Variants in AGFG2 observed in about 807,000 individuals in gnomAD.
AGFG2 encodes the protein ArfGAP with FG repeats 2, also known as arf-GAP domain and FG repeat-containing protein 2.
Under a neutral mutation model 48.0 loss-of-function variants are expected in AGFG2, and 31 were observed. The ratio of observed to expected loss-of-function variants is 0.65; its 90% confidence interval spans 0.49 to 0.87. AGFG2 has a LOEUF of 0.87. AGFG2 is among the 40% of genes least tolerant of loss of function. The pLI is 0.00. For synonymous variants in AGFG2, 229 were observed against 260.8 expected, an observed-to-expected ratio of 0.88 and a Z score of 1.18; for missense variants, 599 against 632.6, an observed-to-expected ratio of 0.95 and a Z score of 0.57.
rs1800743601 is a variant in AGFG2 at position 100,555,619 on chromosome 7, C to G, written c.761C>G (p.Pro254Arg). 1 of 1,613,558 alleles carries G rather than the reference C, an allele frequency of 6.2e-7. No homozygotes were observed. Among genetic ancestry groups the G allele is most frequent in the Non-Finnish European group, 8.5e-7 (1 of 1,179,754 alleles). The change falls in exon 6 of 12, where the codon CCT (proline) becomes CGT (arginine). Residue 254 changes from proline to arginine, a missense_variant. Coordinates refer to ENST00000300176, the MANE Select transcript of AGFG2 (RefSeq NM_006076.5). Reference protein sequence around the residue: ...AAFPAFGGQTPSQGGFANFDA... With the variant: ...AAFPAFGGQTRSQGGFANFDA... ...TTTCTTCCACCTACAGGCCAGACAC[C>G]TTCCCAAGGAGGCTTTGCCAACTTT...
At chr7:100,552,990 A>T (rs1490875697) in intron 3 of AGFG2, among the ~76,000 whole-genome samples, 1 of 152,068 alleles carries the variant, frequency 6.6e-6, no homozygotes. Context: ...CTCTACAAAT[A>T]ATTAAAAAAT....
chr7:100,555,677 G>A lies in AGFG2; in HGVS notation c.819G>A (p.Val273=). 1 of 1,614,106 alleles carries A rather than the reference G, an allele frequency of 6.2e-7. No homozygotes were observed. Among genetic ancestry groups the A allele is most frequent in the Non-Finnish European group, 8.5e-7 (1 of 1,179,990 alleles). Residue 273 remains valine (V), a synonymous_variant, in exon 6 of 12, where the codon GTG becomes GTA. Transcript: ENST00000300176. ...TTAGCAGTGGCCCCAGCTCTTCTGTGTTTGGAAGCCTCCCTCCAGCTGGTC... is the reference window on the plus strand; with the variant it reads ...TTAGCAGTGGCCCCAGCTCTTCTGTATTTGGAAGCCTCCCTCCAGCTGGTC... ...DAFSSGPSSS[V]FGSLPPAGQA...
chr7:100,549,278 C>T (rs1415352111), intron 2 of AGFG2, among the ~76,000 whole-genome samples: 2 of 152,168 alleles, frequency 1.3e-5, no homozygotes, highest in East Asian at 3.8e-4. Flanking sequence ...CCTCGACAAC[C>T]TGGATTTAAG....
intron 6 of AGFG2, among the ~76,000 whole-genome samples, chr7:100,557,450 T>G (rs953485213): frequency 1.2e-4 from 18 of 152,188 alleles, no homozygotes; most frequent in African/African-American, 3.4e-4. Context: ...TTTTGGTTTT[T>G]GTTGTTGTTT....
chr7:100,546,417 G>A (rs748858629), intron 1 of AGFG2, among the ~76,000 whole-genome samples: 1 of 152,072 alleles, frequency 6.6e-6, no homozygotes, highest in Non-Finnish European at 1.5e-5. Context: ...CCTTCCCCAT[G>A]ACTGTTTCTC....
chr7:100,564,703 C>T (rs1252341371), intron 11 of AGFG2, among the ~76,000 whole-genome samples: 1 of 152,020 alleles, frequency 6.6e-6, no homozygotes, highest in Non-Finnish European at 1.5e-5. Flanking sequence ...AGGGTTTTCC[C>T]GTGTTGGCCA....
In AGFG2 at chr7:100,548,845, G is replaced by C. The variant is rs772763307; in HGVS notation, c.245G>C (p.Arg82Pro). Residue 82 changes from arginine to proline, a missense_variant, in exon 2 of 12, where the codon CGT becomes CCT. By Grantham distance (103) the Arg-to-Pro change is moderately radical. Coordinates refer to ENST00000300176, the MANE Select transcript of AGFG2 (RefSeq NM_006076.5). ...GLLRGLNPPH[R>P]VKSISMTTFT... ...AGGAGAGGGCTGAACCCCCCTCATC[G>C]TGTCAAGTCAATCTCCATGACAACT... The C allele has an allele frequency of 6.2e-7, 1 of 1,613,170 alleles. No homozygotes were observed. The highest frequency in any genetic ancestry group is 8.5e-7 in the Non-Finnish European group (1 of 1,179,610).
Position 100,565,316 on chromosome 7 carries a change from C to T in AGFG2, c.*325C>T. ...CAGCTCTTCCCTGGGCCTAGCTCGC[C>T]AGCGCTGTGCTCCTCATGGACGGGA... On this transcript the variant is annotated 3_prime_UTR_variant, in exon 12 of 12. Transcript: ENST00000300176. 1 of 398,462 alleles carries T rather than the reference C, an allele frequency of 2.5e-6. No individual in the cohort carries two copies. The highest frequency in any genetic ancestry group is 4.7e-6 in the Non-Finnish European group (1 of 214,484). 24.7% of individuals were successfully genotyped at this position (398,462 alleles called of 1,614,324 possible). A position where few individuals can be genotyped will look rare whatever the true frequency, so the allele number is the denominator to read the frequency against.
rs181542344 is a variant in AGFG2 at position 100,555,752 on chromosome 7, T to C, written c.877+17T>C. The C allele has an allele frequency of 1.4e-5, 23 of 1,613,076 alleles. No homozygotes were observed. Among genetic ancestry groups the C allele is most frequent in the Non-Finnish European group, 2.0e-5 (23 of 1,179,310 alleles). On this transcript the variant is annotated intron_variant, in intron 6 of 11. Coordinates refer to ENST00000300176, the MANE Select transcript of AGFG2 (RefSeq NM_006076.5). ...CTCCTGCAGGTAAACTCTGCCCCAC[T>C]GGCTTCCTTTCTCTTCCAACCGTGT...
chr7:100,557,090 CAG>C (rs1278975679), intron 6 of AGFG2, among the ~76,000 whole-genome samples: 2 of 151,794 alleles, frequency 1.3e-5, no homozygotes, highest in Admixed American at 6.6e-5. Context: ...CCCAGCTACT[CAG>C]GGGACTGAGG....
Position 100,539,334 on chromosome 7 carries a change from G to T in AGFG2, c.-13G>T. 7.9e-7 allele frequency: 1 copy of T among 1,272,710 alleles called. No individual in the cohort carries two copies. 78.8% of individuals were successfully genotyped at this position (1,272,710 alleles called of 1,614,324 possible). A position where few individuals can be genotyped will look rare whatever the true frequency, so the allele number is the denominator to read the frequency against. On this transcript the variant is annotated 5_prime_UTR_variant, in exon 1 of 12. Coordinates refer to ENST00000300176, the MANE Select transcript of AGFG2 (RefSeq NM_006076.5). ...GGGGTGATTGCTGACTAGCGGGGAGGGAGTGGGCAGCGATGGTGATGGCGG... is the reference window on the plus strand; with the variant it reads ...GGGGTGATTGCTGACTAGCGGGGAGTGAGTGGGCAGCGATGGTGATGGCGG...
chr7:100,541,330 G>A (rs1459621090), intron 1 of AGFG2, among the ~76,000 whole-genome samples: 1 of 152,136 alleles, frequency 6.6e-6, no homozygotes, highest in Admixed American at 6.6e-5. Flanking sequence ...CTTGACTTTG[G>A]TCTAAGTAAA....
rs774327556 is a variant in AGFG2 at position 100,562,425 on chromosome 7, C to A, written c.998+46C>A. The A allele has an allele frequency of 1.9e-6, 3 of 1,607,674 alleles. No homozygotes were observed. The Admixed American group carries it at 5.0e-5, about 27-fold the overall frequency. ...GTCTGCTGTAGGGCAGGAGAGCCGC[C>A]CGAAGCCTGGCCATGTTCCTCCCAG... On this transcript the variant is annotated intron_variant, in intron 7 of 11. Transcript: ENST00000300176. This position sits in a 1 kb window ranked among gnomAD's most constrained non-coding sequence, Gnocchi z 5.4.
At chr7:100,554,339 G>A in intron 5 of AGFG2, 81 bp downstream of exon 5, 1 of 1,489,952 alleles carries the variant, frequency 6.7e-7, no homozygotes, top group Non-Finnish European at 9.0e-7. Context: ...AGGTAACCAT[G>A]GCTCTAGATC....
Position 100,561,416 on chromosome 7 carries a change from C to T in AGFG2, c.878-843C>T, listed in dbSNP as rs112090143. 4.0e-3 allele frequency among the ~76,000 whole-genome samples: 614 copies of T among 152,264 alleles called. 3 individuals are homozygous for T. Among genetic ancestry groups the T allele is most frequent in the African/African-American group, 0.014 (585 of 41,534 alleles). ...TATTGGGATTACAGGCATGAACTGCCGCGTCCTGTCAATAAAGCCTCTTTC... is the reference window on the plus strand; with the variant it reads ...TATTGGGATTACAGGCATGAACTGCTGCGTCCTGTCAATAAAGCCTCTTTC... On this transcript the variant is annotated intron_variant, in intron 6 of 11. Transcript: ENST00000300176.
intron 3 of AGFG2, among the ~76,000 whole-genome samples, chr7:100,551,656 G>C (rs1365046921): frequency 1.3e-5 from 2 of 151,372 alleles, no homozygotes; most frequent in Non-Finnish European, 2.9e-5. Flanking sequence ...GGCTGAGGTG[G>C]GCAGACCACT....
chr7:100,564,239 G>A lies in AGFG2; in HGVS notation c.1322G>A (p.Gly441Glu), dbSNP rs765206394. Reference protein sequence around the residue: ...QQNGSSFGDLGSAKLGQRPLS... With the variant: ...QQNGSSFGDLESAKLGQRPLS... ...CTAGGCTCTTCCTTCGGGGACTTAG[G>A]ATCAGCCAAGTTGGGGCAGAGGCCA... The change falls in exon 11 of 12, where the codon GGA becomes GAA. Residue 441 changes from glycine to glutamate, a missense_variant. Physicochemically the swap from Gly to Glu is moderately conservative, Grantham distance 98 (BLOSUM62 -2). Coordinates refer to ENST00000300176, the MANE Select transcript of AGFG2 (RefSeq NM_006076.5). 8.1e-6 allele frequency: 13 copies of A among 1,613,196 alleles called. No homozygotes were observed. The highest frequency in any genetic ancestry group is 9.3e-6 in the Non-Finnish European group (11 of 1,179,710).
Position 100,539,303 on chromosome 7 carries a change from G to A in AGFG2, c.-44G>A. The A allele has an allele frequency of 7.8e-7, 1 of 1,275,650 alleles. No individual in the cohort carries two copies. 79.0% of individuals were successfully genotyped at this position (1,275,650 alleles called of 1,614,324 possible). ...CTGAGGAGGCGGGAAGGCGGCAGTG[G>A]TTGAAGGGGTGATTGCTGACTAGCG... On this transcript the variant is annotated 5_prime_UTR_variant, in exon 1 of 12. Transcript: ENST00000300176.
rs766106894 is a variant in AGFG2 at position 100,563,902 on chromosome 7, G to T, written c.1240G>T (p.Ala414Ser). The change falls in exon 10 of 12, where the codon GCC becomes TCC. Residue 414 changes from alanine (A) to serine (S), a missense_variant. Physicochemically the swap from Ala to Ser is moderately conservative, Grantham distance 99. Transcript: ENST00000300176. Reference protein sequence around the residue: ...PQAVPPTGAFASSFPAPLFPP... With the variant: ...PQAVPPTGAFSSSFPAPLFPP... ...GGCAGTGCCACCCACTGGGGCCTTT[G>T]CCAGCTCCTTCCCAGCACCGCTGTT... 4 of 1,609,974 alleles carry T rather than the reference G, an allele frequency of 2.5e-6. No individual in the cohort carries two copies. The highest frequency in any genetic ancestry group is 3.4e-6 in the Non-Finnish European group (4 of 1,180,022).
Sources: gnomAD v4.1 joint callset for allele counts (sites outside exome capture counted in the v4.1 genomes callset) on GRCh38, gnomAD v4.1.1 for gene constraint, Gnocchi (gnomAD v3.1) non-coding constraint, MANE v1.5 for transcripts, NCBI Gene and HGNC (gene_info 2026-07-23, HGNC 2026-07-21) for gene names.